WHRN: variants seen among roughly 807,000 people sequenced by gnomAD.
WHRN encodes whirlin.
WHRN carries 41 observed loss-of-function variants against 68.3 expected under a neutral mutation model. The observed-to-expected ratio is 0.60, with a 90% confidence interval of 0.47 to 0.78. The LOEUF (loss-of-function observed/expected upper bound fraction) is 0.78, where lower values mean the gene tolerates loss of function less well. Among genes scored for constraint, WHRN ranks in the 30% least tolerant of loss-of-function variants. The probability of loss-of-function intolerance (pLI) is 0.00; values close to 1 mark genes in which losing one functional copy is unlikely to be tolerated. For synonymous variants in WHRN, 560 were observed against 561.3 expected (o/e 1.00, Z 0.03); for missense variants, 1,243 against 1,244.7 (o/e 1.00, Z 0.02).
chr9:114,432,138 C>G (rs1837475114), intron 3 of WHRN, among the ~76,000 whole-genome samples: 1 of 152,162 alleles, frequency 6.6e-6, no homozygotes, highest in African/African-American at 2.4e-5. Flanking sequence ...ATGGAATGCC[C>G]TTCATTTTAA....
chr9:114,496,690 T>C (rs1843491632), intron 1 of WHRN, among the ~76,000 whole-genome samples: 1 of 152,216 alleles, frequency 6.6e-6, no homozygotes, highest in South Asian at 2.1e-4. Flanking sequence ...AACAATGACA[T>C]GTTTGTGAGG....
chr9:114,501,703 T>C (rs1014998343), intron 1 of WHRN, among the ~76,000 whole-genome samples: 1 of 152,122 alleles, frequency 6.6e-6, no homozygotes, highest in African/African-American at 2.4e-5. Context: ...TGCAATGTGG[T>C]ATCCTAGAAT....
At chr9:114,476,125 C>T (rs10817620) in intron 2 of WHRN, among the ~76,000 whole-genome samples, 65,771 of 151,760 alleles carry the variant, frequency 0.43, 15,250 homozygotes, top group East Asian at 0.63. Context: ...CCATCATACC[C>T]GGCTAATTTT....
intron 3 of WHRN, among the ~76,000 whole-genome samples, chr9:114,432,982 C>A (rs545246435): frequency 6.6e-6 from 1 of 152,312 alleles, no homozygotes; most frequent in South Asian, 2.1e-4. Context: ...CTGACCTACA[C>A]ACATTGACCA....
chr9:114,479,836 G>A (rs1841962627), intron 1 of WHRN, among the ~76,000 whole-genome samples: 1 of 152,188 alleles, frequency 6.6e-6, no homozygotes, highest in African/African-American at 2.4e-5. Context: ...GCTGAGGCAG[G>A]CAGAGCACCT....
chr9:114,430,224 A>G (rs1837292607), intron 3 of WHRN, among the ~76,000 whole-genome samples: 2 of 152,200 alleles, frequency 1.3e-5, no homozygotes, highest in African/African-American at 4.8e-5. Flanking sequence ...ACTCAATTCT[A>G]TGAGCATCGA....
intron 2 of WHRN, chr9:114,478,236 CA>C: frequency 1.6e-6 from 1 of 637,454 alleles, no homozygotes; most frequent in South Asian, 1.9e-5. Flanking sequence ...TGCAGCGAGC[CA>C]GGATCTCGTG....
chr9:114,454,612 A>G (rs561312342), intron 3 of WHRN, among the ~76,000 whole-genome samples: 20 of 152,306 alleles, frequency 1.3e-4, no homozygotes, highest in African/African-American at 4.8e-4. Flanking sequence ...TGCAAGACTG[A>G]ATAGTATGAA....
intron 1 of WHRN, among the ~76,000 whole-genome samples, chr9:114,498,287 A>G (rs1405196268): frequency 1.3e-5 from 2 of 152,180 alleles, no homozygotes; most frequent in African/African-American, 4.8e-5. Context: ...TCCTTTTAGC[A>G]GTGACAAATG....
At position 114,493,401 on chromosome 9, in the gene WHRN, G is replaced by A. The variant is rs147461601; in HGVS notation, c.618+10783C>T. The stretch of plus-strand genomic sequence containing the variant: ...GGGTGGGGGGGTGGGGAGAAAAAAC[G>A]TTTTATTTAACAGCCTAGACAAATT... On this transcript the variant is annotated intron_variant, in intron 1 of 11. Coordinates refer to ENST00000362057, the MANE Select transcript of WHRN (RefSeq NM_015404.4). 3.9e-4 allele frequency among the ~76,000 whole-genome samples: 58 copies of A among 147,174 alleles called. No individual in the cohort carries two copies. The East Asian group carries it at 0.01, about 26-fold the overall frequency.
At chr9:114,468,649 T>C (rs1840928901) in intron 2 of WHRN, among the ~76,000 whole-genome samples, 1 of 151,996 alleles carries the variant, frequency 6.6e-6, no homozygotes, top group African/African-American at 2.4e-5. Context: ...CCCAGTTTTC[T>C]CCTCAGACAG....
chr9:114,439,043 AT>A (rs960301453), intron 3 of WHRN, among the ~76,000 whole-genome samples: 4 of 151,556 alleles, frequency 2.6e-5, no homozygotes, highest in Non-Finnish European at 5.9e-5. Context: ...GCTATCTTTT[AT>A]AGAAGAAAGA....
At chr9:114,444,439 CAT>C (rs1436030869) in intron 3 of WHRN, among the ~76,000 whole-genome samples, 3 of 152,056 alleles carry the variant, frequency 2.0e-5, no homozygotes, top group African/African-American at 2.4e-5. Context: ...TATTTAATCA[CAT>C]ATAATTATTT....
rs761920479 is a variant in WHRN, at chr9:114,466,413, C to G, written c.838-21G>C. Reference sequence around the variant, plus strand: ...TTCACCTGTCAGAGGGAGAGGATAACATTAGAGGGACTGGAGGAGCCATCC... The same window carrying G: ...TTCACCTGTCAGAGGGAGAGGATAAGATTAGAGGGACTGGAGGAGCCATCC... On this transcript the variant is annotated intron_variant, in intron 2 of 11. Transcript: ENST00000362057. The G allele has an allele frequency of 1.9e-6, 3 of 1,613,686 alleles. No individual in the cohort carries two copies. The South Asian group carries it at 3.3e-5, about 18-fold the overall frequency.
intron 2 of WHRN, among the ~76,000 whole-genome samples, chr9:114,469,772 G>C (rs1277901992): frequency 6.6e-6 from 1 of 152,250 alleles, no homozygotes; most frequent in African/African-American, 2.4e-5. Context: ...ACATAGATTT[G>C]TTATCTGACA....
At chr9:114,428,931 C>CTTTTTTT (rs5900087) in intron 3 of WHRN, among the ~76,000 whole-genome samples, 1 of 146,298 alleles carries the variant, frequency 6.8e-6, no homozygotes. Flanking sequence ...AGATTAATTT[C>CTTTTTTT]TTTTTTTTTT....
intron 1 of WHRN, among the ~76,000 whole-genome samples, chr9:114,484,265 G>T (rs188123899): frequency 5.3e-4 from 81 of 152,284 alleles, no homozygotes; most frequent in Non-Finnish European, 2.9e-5. Context: ...CCTGCAGGTG[G>T]TAAGTCACAT....
intron 7 of WHRN, among the ~76,000 whole-genome samples, chr9:114,421,820 T>C (rs1012350203): frequency 4.6e-5 from 7 of 152,092 alleles, no homozygotes; most frequent in Non-Finnish European, 8.8e-5. Flanking sequence ...TCCCAGAACA[T>C]GGAACTGCCT....
chr9:114,417,683 A>G (rs1224827669), intron 7 of WHRN, among the ~76,000 whole-genome samples: 1 of 152,230 alleles, frequency 6.6e-6, no homozygotes, highest in Non-Finnish European at 1.5e-5. Flanking sequence ...ACTCAGCATT[A>G]CTGCAGCAAA....
Sources: allele counts gnomAD v4.1 joint callset (sites outside exome capture counted in the v4.1 genomes callset), GRCh38; gene constraint gnomAD v4.1.1; transcripts MANE v1.5; gene names NCBI Gene and HGNC (gene_info 2026-07-23, HGNC 2026-07-21).